The following NDC1 variants were observed in gnomAD, a reference collection of about 807,000 sequenced individuals.
NDC1 encodes NDC1 transmembrane nucleoporin.
A neutral mutation model predicts 89.8 loss-of-function variants in NDC1; 24 were observed. The ratio of observed to expected loss-of-function variants is 0.27; its 90% CI spans 0.19 to 0.38. The LOEUF (loss-of-function observed/expected upper bound fraction) is 0.38, where lower values mean the gene tolerates loss of function less well. Ranked by LOEUF, NDC1 falls within the 10% of genes least tolerant of loss-of-function variation. NDC1 has a pLI of 1.00. For synonymous variants in NDC1, 296 were observed against 284.8 expected (o/e 1.04, Z -0.39); for missense variants, 728 against 797.6 (o/e 0.91, Z 1.05).
At chr1:53,800,882 A>G in intron 10 of NDC1, 34 bp from the exon 11 acceptor site, 1 of 1,535,904 alleles carries the variant, frequency 6.5e-7, no homozygotes. Flanking sequence ...TTAAAATGTA[A>G]ATAATCTTAC....
intron 11 of NDC1, among the ~76,000 whole-genome samples, chr1:53,798,090 A>G (rs1016402403): frequency 6.6e-6 from 1 of 150,572 alleles, no homozygotes; most frequent in African/African-American, 2.4e-5. Flanking sequence ...TTGTCACTCC[A>G]GCACAAGCCA....
intron 5 of NDC1, among the ~76,000 whole-genome samples, chr1:53,819,541 A>G (rs555216329): frequency 6.6e-6 from 1 of 152,374 alleles, no homozygotes; most frequent in East Asian, 1.9e-4. Context: ...AGATTAAATA[A>G]CAACCAATGT....
At chr1:53,825,291 T>C (rs1648811541) in intron 5 of NDC1, among the ~76,000 whole-genome samples, 1 of 151,574 alleles carries the variant, frequency 6.6e-6, no homozygotes, top group South Asian at 2.1e-4. Flanking sequence ...CCCTGGCCAA[T>C]ATGGTGAAAC....
At chr1:53,777,849 G>A (rs1647175121) in intron 16 of NDC1, among the ~76,000 whole-genome samples, 1 of 152,050 alleles carries the variant, frequency 6.6e-6, no homozygotes, top group East Asian at 1.9e-4. Flanking sequence ...AAGTAGACGG[G>A]ACTATAGGCG....
intron 17 of NDC1, 45 bp from the exon 18 acceptor site, chr1:53,768,078 A>G: frequency 7.4e-7 from 1 of 1,356,230 alleles, no homozygotes; most frequent in Non-Finnish European, 1.0e-6. Context: ...TTTTACATTA[A>G]GCATATTAAG....
chr1:53,807,934 C>G, intron 7 of NDC1, 143 bp from the exon 8 acceptor site: 2 of 789,752 alleles, frequency 2.5e-6, no homozygotes, highest in South Asian at 3.8e-5. Context: ...CTTTATAAAG[C>G]TCTTTCCCTA....
chr1:53,790,047 G>A (rs1046281066), intron 14 of NDC1, among the ~76,000 whole-genome samples: 3 of 151,868 alleles, frequency 2.0e-5, no homozygotes, highest in Admixed American at 6.6e-5. Flanking sequence ...AGATTGCAGC[G>A]AGCCAAGATC....
intron 10 of NDC1, among the ~76,000 whole-genome samples, chr1:53,802,394 T>C (rs894117778): frequency 1.3e-5 from 2 of 152,068 alleles, no homozygotes; most frequent in African/African-American, 4.8e-5. Flanking sequence ...TGGTTGAGTG[T>C]ACTGGCTCAC....
chr1:53,837,858 C>T (rs1649288740), intron 1 of NDC1, among the ~76,000 whole-genome samples: 1 of 152,188 alleles, frequency 6.6e-6, no homozygotes, highest in East Asian at 1.9e-4. Context: ...TCCGTGCATT[C>T]CTTCCCACTT....
intron 17 of NDC1, chr1:53,770,918 G>C (rs891683816): frequency 6.6e-6 from 1 of 152,298 alleles, no homozygotes; most frequent in Non-Finnish European, 1.5e-5. Flanking sequence ...GCCTCCCAAA[G>C]TGCTGGGATA....
intron 2 of NDC1, 152 bp from the exon 3 acceptor site, chr1:53,832,743 T>G: frequency 3.6e-6 from 2 of 562,006 alleles, no homozygotes; most frequent in Non-Finnish European, 6.4e-6. Flanking sequence ...ACTGACAGGT[T>G]CAATGAGATA....
intron 10 of NDC1, 125 bp from the exon 11 acceptor site, chr1:53,800,973 A>G: frequency 1.3e-6 from 1 of 789,390 alleles, no homozygotes; most frequent in Non-Finnish European, 2.0e-6. Context: ...TTCTTAGTGA[A>G]GCTACTATTT....
At chr1:53,800,937 A>G in intron 10 of NDC1, 89 bp from the exon 11 acceptor site, 1 of 1,308,386 alleles carries the variant, frequency 7.6e-7, no homozygotes, top group East Asian at 2.4e-5. Context: ...GAAATTCTAC[A>G]TTATGCTTGG....
At chr1:53,807,366 CAGT>C (rs1286284396) in intron 8 of NDC1, among the ~76,000 whole-genome samples, 1 of 150,964 alleles carries the variant, frequency 6.6e-6, no homozygotes, top group East Asian at 1.9e-4. Context: ...AGTATGTACT[CAGT>C]AGAGAAATGG....
chr1:53,772,727 A>ATAACATAACATAACG (rs1318013514), intron 16 of NDC1, among the ~76,000 whole-genome samples: 5 of 151,588 alleles, frequency 3.3e-5, no homozygotes, highest in African/African-American at 1.2e-4. Context: ...ATAACAAAAC[A>ATAACATAACATAACG]AAACAAACAT....
chr1:53,792,157 T>C lies in NDC1; in HGVS notation c.1635+1072A>G, dbSNP rs113004383. On this transcript the variant is annotated intron_variant, in intron 14 of 17. Transcript: ENST00000371429. ...CAGGGTTTCACCGTGTTAGCCAGGA[T>C]GGTCTTGATCTCCTGACCTCGTGAT... 1.6e-3 allele frequency among the ~76,000 whole-genome samples: 247 copies of C among 152,226 alleles called. 1 individual carries two copies. Among genetic ancestry groups the C allele is most frequent in the African/African-American group, 5.7e-3 (235 of 41,556 alleles).
At chr1:53,814,876 G>A (rs1308547396) in intron 6 of NDC1, among the ~76,000 whole-genome samples, 1 of 152,006 alleles carries the variant, frequency 6.6e-6, no homozygotes, top group African/African-American at 2.4e-5. Flanking sequence ...TAAATTCCTG[G>A]AAAAATACAA....
intron 6 of NDC1, among the ~76,000 whole-genome samples, chr1:53,816,723 A>G (rs766027167): frequency 6.6e-5 from 10 of 152,190 alleles, no homozygotes; most frequent in Non-Finnish European, 1.3e-4. Flanking sequence ...CATGTGACAA[A>G]GGACTAATAT....
At chr1:53,820,569 G>A (rs897995991) in intron 5 of NDC1, among the ~76,000 whole-genome samples, 7 of 151,572 alleles carry the variant, frequency 4.6e-5, no homozygotes, top group Admixed American at 4.0e-4. Context: ...AAAACTACAC[G>A]TTTTCTGAAA....
Sources: gnomAD v4.1 joint callset for allele counts (sites outside exome capture counted in the v4.1 genomes callset) on GRCh38, gnomAD v4.1.1 for gene constraint, MANE v1.5 for transcripts, NCBI Gene and HGNC (gene_info 2026-07-23, HGNC 2026-07-21) for gene names.